Variants in TRIM54 observed in about 807,000 individuals in gnomAD.
TRIM54 encodes the protein tripartite motif-containing protein 54.
Under a neutral mutation model 42.0 loss-of-function variants are expected in TRIM54, and 40 were observed. That is an observed-to-expected ratio of 0.95 (90% confidence interval 0.74 to 1.24). The LOEUF (loss-of-function observed/expected upper bound fraction) is 1.24. TRIM54 is among the 50% of genes most tolerant of loss of function. The probability of loss-of-function intolerance (pLI) is 0.00; values close to 1 mark genes in which losing one functional copy is unlikely to be tolerated. For missense variants in TRIM54, 485 were observed against 480.3 expected (o/e 1.01, Z -0.09); for synonymous variants, 199 against 194.9 (o/e 1.02, Z -0.17).
chr2:27,304,874 C>A, intron 3 of TRIM54, 85 bp from the exon 4 acceptor site: 1 of 1,233,096 alleles, frequency 8.1e-7, no homozygotes, highest in Non-Finnish European at 1.2e-6. Flanking sequence ...AAGGGCCAGC[C>A]CTCTCCTAGG....
At chr2:27,299,168 T>G (rs1678951914) in intron 2 of TRIM54, 77 bp from the exon 3 acceptor site, 13 of 1,534,408 alleles carry the variant, frequency 8.5e-6, no homozygotes, top group Middle Eastern at 4.2e-4. Flanking sequence ...TGGTGGCAGT[T>G]GGTGGAGGCT....
chr2:27,294,458 T>C (rs1678809360), intron 1 of TRIM54, among the ~76,000 whole-genome samples: 1 of 150,626 alleles, frequency 6.6e-6, no homozygotes, highest in Non-Finnish European at 1.5e-5. Context: ...TGGAACACAA[T>C]GATTATTAGG....
intron 3 of TRIM54, among the ~76,000 whole-genome samples, chr2:27,304,248 A>C (rs1185586536): frequency 1.4e-5 from 2 of 143,696 alleles, no homozygotes; most frequent in Non-Finnish European, 3.0e-5. Flanking sequence ...AGATAGATAG[A>C]TATAGATATA....
intron 1 of TRIM54, among the ~76,000 whole-genome samples, chr2:27,295,093 T>A (rs1678828005): frequency 6.6e-6 from 1 of 151,506 alleles, no homozygotes; most frequent in African/African-American, 2.4e-5. Flanking sequence ...TGAGACAGAG[T>A]CCTGCTCTGT....
chr2:27,305,636 G>T lies in TRIM54; in HGVS notation c.662G>T (p.Cys221Phe). Residue 221 changes from cysteine (C) to phenylalanine (F), a missense_variant, in exon 5 of 9, where the codon TGC becomes TTC. Physicochemically the swap from Cys to Phe is radical, Grantham distance 205 (BLOSUM62 -2). Transcript: ENST00000380075. ...QLLNQRFESL[C>F]AVLEERKGEL... is the part of the protein sequence containing the mutation. ...TTAAACCAGAGGTTTGAGAGCCTGT[G>T]CGCAGTGCTGGAGGAGCGCAAGGGT... The T allele has an allele frequency of 6.2e-7, 1 of 1,613,792 alleles. No individual in the cohort carries two copies. The highest frequency in any genetic ancestry group is 8.5e-7 in the Non-Finnish European group (1 of 1,179,946).
intron 1 of TRIM54, among the ~76,000 whole-genome samples, chr2:27,296,450 T>A (rs988703864): frequency 1.3e-5 from 2 of 152,134 alleles, no homozygotes; most frequent in Admixed American, 6.6e-5. Flanking sequence ...AGGGTAAAAA[T>A]TTGCTTTATT....
intron 1 of TRIM54, among the ~76,000 whole-genome samples, chr2:27,295,807 A>G (rs944850436): frequency 1.3e-5 from 2 of 152,160 alleles, no homozygotes; most frequent in Admixed American, 1.3e-4. Flanking sequence ...AAGACAGGAG[A>G]CTGCAGCCTT....
At position 27,298,682 on chromosome 2, in the gene TRIM54, T is replaced by C; in HGVS notation, c.284T>C (p.Leu95Pro). Residue 95 changes from leucine to proline, a missense_variant, in exon 2 of 9, where the codon CTG (leucine) becomes CCG (proline). Physicochemically the swap from Leu to Pro is moderately conservative, Grantham distance 98. Transcript: ENST00000380075. ...VVLDRHGVYG[L>P]QRNLLVENII... The stretch of plus-strand genomic sequence containing the variant: ...CTGGACAGACACGGTGTCTACGGCC[T>C]GCAGCGAAACCTGCTAGTGGAGAAC... 1 of 1,614,204 alleles carries C rather than the reference T, an allele frequency of 6.2e-7. No homozygotes were observed. The highest frequency in any genetic ancestry group is 1.1e-5 in the South Asian group (1 of 91,092).
intron 1 of TRIM54, among the ~76,000 whole-genome samples, chr2:27,287,503 G>A (rs1234901287): frequency 1.3e-5 from 2 of 151,220 alleles, no homozygotes; most frequent in African/African-American, 4.9e-5. Flanking sequence ...CACTGTTCCT[G>A]ACCGAAAAGG....
In TRIM54 at chr2:27,304,950, G is replaced by A. The variant is rs748932719; in HGVS notation, c.514-9G>A. 2.5e-6 allele frequency: 4 copies of A among 1,613,168 alleles called. No homozygotes were observed. Among genetic ancestry groups the A allele is most frequent in the Non-Finnish European group, 3.4e-6 (4 of 1,179,482 alleles). ...CCCAGCTCTGAGTGCTGACCTGTGT[G>A]TGTATCAGAGTGAGCTCAGCGATGG... On this transcript the variant is annotated splice_polypyrimidine_tract_variant and intron_variant, in intron 3 of 8. Transcript: ENST00000380075.
chr2:27,298,889 A>C (rs1678946553), intron 2 of TRIM54, 150 bp downstream of exon 2: 1 of 855,834 alleles, frequency 1.2e-6, no homozygotes, highest in Non-Finnish European at 1.8e-6. Context: ...GACTTGCCTC[A>C]GGCCTCCCAG....
In TRIM54 at chr2:27,298,659, G is replaced by A. The variant is rs1334678970; in HGVS notation, c.261G>A (p.Leu87=). 6.2e-7 allele frequency: 1 copy of A among 1,614,156 alleles called. No homozygotes were observed. Among genetic ancestry groups the A allele is most frequent in the South Asian group, 1.1e-5 (1 of 91,074 alleles). Residue 87 remains leucine, a synonymous_variant, in exon 2 of 9, where the codon CTG becomes CTA. Transcript: ENST00000380075. ...CATCGTGCAGGCATGAGGTTGTCCT[G>A]GACAGACACGGTGTCTACGGCCTGC... ...RCPSCRHEVV[L]DRHGVYGLQR... is the part of the protein sequence containing the mutation.
intron 1 of TRIM54, among the ~76,000 whole-genome samples, chr2:27,287,882 C>T (rs989553595): frequency 6.6e-6 from 1 of 152,172 alleles, no homozygotes; most frequent in Non-Finnish European, 1.5e-5. Context: ...TTCACAAAGT[C>T]GAAAAATATT....
chr2:27,300,031 G>T lies in TRIM54; in HGVS notation c.513+615G>T, dbSNP rs868751269. ...TCTGTCGCGCAGGCTGGAATGCACT[G>T]GTATGATTGTGATTCACTGCAGCAG... On this transcript the variant is annotated intron_variant, in intron 3 of 8. Transcript: ENST00000380075. 2.0e-5 allele frequency among the ~76,000 whole-genome samples: 3 copies of T among 151,512 alleles called. No individual in the cohort carries two copies. The South Asian group carries it at 6.3e-4, about 32-fold the overall frequency.
At chr2:27,293,769 C>A (rs1678787219) in intron 1 of TRIM54, among the ~76,000 whole-genome samples, 1 of 152,162 alleles carries the variant, frequency 6.6e-6, no homozygotes, top group African/African-American at 2.4e-5. Context: ...CACCTGTAAT[C>A]CCAGCACTTT....
At position 27,306,690 on chromosome 2, in the gene TRIM54, G is replaced by C; in HGVS notation, c.*1+148G>C. On this transcript the variant is annotated intron_variant, in intron 8 of 8. Transcript: ENST00000380075. The surrounding 1 kb of genome is among the most constrained non-coding windows in gnomAD (Gnocchi z 6.1). Reference sequence around the variant, plus strand: ...CACTCCTCGGTGCAACCCAACCCCGGAGCCACAAAGGCGCGCCCCCTAGGG... The same window carrying C: ...CACTCCTCGGTGCAACCCAACCCCGCAGCCACAAAGGCGCGCCCCCTAGGG... 1 of 874,578 alleles carries C rather than the reference G, an allele frequency of 1.1e-6. No individual in the cohort carries two copies. The highest frequency in any genetic ancestry group is 1.7e-6 in the Non-Finnish European group (1 of 580,400). The allele number at this position is 874,578 out of a possible 1,614,324, so 54.2% of individuals were successfully genotyped here.
chr2:27,283,784 G>GCACACACACACATACA (rs1678470951), intron 1 of TRIM54, among the ~76,000 whole-genome samples: 1 of 132,168 alleles, frequency 7.6e-6, no homozygotes, highest in Admixed American at 7.6e-5. Context: ...ACACACGCGC[G>GCACACACACACATACA]CACACACACA....
chr2:27,288,575 C>T (rs1326510996), intron 1 of TRIM54, among the ~76,000 whole-genome samples: 4 of 152,178 alleles, frequency 2.6e-5, no homozygotes, highest in Non-Finnish European at 4.4e-5. Flanking sequence ...ACAGTCATTT[C>T]GTACCCTGTG....
intron 1 of TRIM54, among the ~76,000 whole-genome samples, chr2:27,295,079 T>G (rs1272628264): frequency 6.6e-6 from 1 of 151,710 alleles, no homozygotes; most frequent in Non-Finnish European, 1.5e-5. Context: ...GTTTGTTTGT[T>G]TTTTGAGACA....
Sources: allele counts gnomAD v4.1 joint callset (sites outside exome capture counted in the v4.1 genomes callset), GRCh38; gene constraint gnomAD v4.1.1; non-coding constraint Gnocchi (gnomAD v3.1); transcripts MANE v1.5; gene names NCBI Gene and HGNC (gene_info 2026-07-23, HGNC 2026-07-21).